Variants in LRP12 observed in about 807,000 individuals in gnomAD.
The protein encoded by LRP12 is LDL receptor related protein 12, also known as low-density lipoprotein receptor-related protein 12.
In LRP12, 14 loss-of-function variants were observed where a neutral mutation model predicts 66.0. That is an observed-to-expected ratio of 0.21 (90% CI 0.14 to 0.33). The LOEUF (loss-of-function observed/expected upper bound fraction) is 0.33, where lower values mean the gene tolerates loss of function less well. LRP12 is among the 10% of genes least tolerant of loss of function. LRP12 has a pLI of 1.00. For missense variants in LRP12, 889 were observed against 1,053.4 expected, an observed-to-expected ratio of 0.84 and a Z score of 2.16; for synonymous variants, 357 against 359.1, an observed-to-expected ratio of 0.99 and a Z score of 0.07.
At chr8:104,500,756 G>A (rs959380433) in intron 3 of LRP12, among the ~76,000 whole-genome samples, 2 of 152,092 alleles carry the variant, frequency 1.3e-5, no homozygotes, top group African/African-American at 4.8e-5. Flanking sequence ...ATACATGTAC[G>A]TATCTCTCTT....
chr8:104,558,223 A>AAC (rs765755049), intron 1 of LRP12, among the ~76,000 whole-genome samples: 96 of 151,948 alleles, frequency 6.3e-4, no homozygotes, highest in South Asian at 1.1e-3. Context: ...CAAACAAACA[A>AAC]AAAAAAACAG....
In LRP12 at chr8:104,497,651, A is replaced by G; in HGVS notation, c.901T>C (p.Phe301Leu). Residue 301 changes from phenylalanine to leucine, a missense_variant, in exon 5 of 7, where the codon TTC (phenylalanine) becomes CTC (leucine). Physicochemically the swap from Phe to Leu is conservative, Grantham distance 22 (BLOSUM62 0). Transcript: ENST00000276654. This position sits in a 1 kb window ranked among gnomAD's most constrained non-coding sequence, Gnocchi z 4.3. Reference protein sequence around the residue: ...TGDHRKVILRFTDFKLDGTGY... With the variant: ...TGDHRKVILRLTDFKLDGTGY... ...GTACCATCAAGTTTAAAGTCAGTGA[A>G]GCGTAAAATGACTTTACGGTGATCA... 1 of 1,614,184 alleles carries G rather than the reference A, an allele frequency of 6.2e-7. No homozygotes were observed. The highest frequency in any genetic ancestry group is 8.5e-7 in the Non-Finnish European group (1 of 1,180,028).
At chr8:104,572,642 C>T (rs1049187440) in intron 1 of LRP12, among the ~76,000 whole-genome samples, 1 of 151,444 alleles carries the variant, frequency 6.6e-6, no homozygotes, top group East Asian at 1.9e-4. Flanking sequence ...GATATAATCA[C>T]GGATGTAGAA....
chr8:104,580,358 T>TAAA (rs774764260), intron 1 of LRP12, among the ~76,000 whole-genome samples: 32 of 92,174 alleles, frequency 3.5e-4, no homozygotes, highest in South Asian at 7.0e-4. Context: ...CTACTAAAAA[T>TAAA]AAAAAAAAAA....
At chr8:104,498,148 G>T in intron 4 of LRP12, 72 bp from the exon 5 acceptor site, 1 of 1,330,054 alleles carries the variant, frequency 7.5e-7, no homozygotes, top group Non-Finnish European at 1.0e-6. Flanking sequence ...ACATAAAACA[G>T]CAAGTGATAT....
chr8:104,542,865 G>A (rs796416274), intron 1 of LRP12, among the ~76,000 whole-genome samples: 1 of 152,112 alleles, frequency 6.6e-6, no homozygotes, highest in African/African-American at 2.4e-5. Context: ...TTCATGGTGA[G>A]TAGGCAGAGG....
At chr8:104,572,468 T>C (rs1410124420) in intron 1 of LRP12, among the ~76,000 whole-genome samples, 2 of 151,662 alleles carry the variant, frequency 1.3e-5, no homozygotes, top group East Asian at 1.9e-4. Context: ...AATAAAGAAA[T>C]AGTGAAAGAA....
chr8:104,532,269 G>GA (rs910410396), intron 1 of LRP12, among the ~76,000 whole-genome samples: 20 of 148,260 alleles, frequency 1.3e-4, no homozygotes, highest in Non-Finnish European at 8.9e-5. Context: ...ACTGCTACAA[G>GA]AAAAAAGAGA....
chr8:104,582,100 A>G (rs1391311193), intron 1 of LRP12, among the ~76,000 whole-genome samples: 1 of 152,182 alleles, frequency 6.6e-6, no homozygotes. Context: ...ACTACTAAAC[A>G]TCCTATTGTG....
intron 2 of LRP12, among the ~76,000 whole-genome samples, chr8:104,528,408 T>C (rs1298039806): frequency 1.3e-5 from 2 of 152,134 alleles, no homozygotes; most frequent in African/African-American, 4.8e-5. Context: ...TACTTTCTAC[T>C]GGGGATGCAA....
chr8:104,582,910 G>T (rs541076690), intron 1 of LRP12, among the ~76,000 whole-genome samples: 37 of 152,198 alleles, frequency 2.4e-4, no homozygotes, highest in African/African-American at 8.4e-4. Flanking sequence ...AAATAAGAAC[G>T]ATCAGATGTA....
At chr8:104,548,315 A>T (rs1462927720) in intron 1 of LRP12, among the ~76,000 whole-genome samples, 299 of 26,800 alleles carry the variant, frequency 0.011, 29 homozygotes, top group African/African-American at 0.082. Flanking sequence ...TATATTATAT[A>T]AATATATAAT....
intron 1 of LRP12, among the ~76,000 whole-genome samples, chr8:104,585,098 G>A (rs973525754): frequency 6.6e-6 from 1 of 152,216 alleles, no homozygotes; most frequent in Non-Finnish European, 1.5e-5. Flanking sequence ...AAGTCAATCA[G>A]TATATGCTGT....
intron 3 of LRP12, chr8:104,508,063 C>G (rs1163887508): frequency 2.0e-5 from 3 of 152,176 alleles, no homozygotes; most frequent in African/African-American, 7.2e-5. Context: ...CAATGTTACA[C>G]ATGAAAACAT....
chr8:104,545,686 T>C (rs1214117824), intron 1 of LRP12, among the ~76,000 whole-genome samples: 1 of 152,202 alleles, frequency 6.6e-6, no homozygotes, highest in Non-Finnish European at 1.5e-5. Context: ...TTTTTAGATA[T>C]GTCATTGCAT....
At chr8:104,547,363 T>C (rs896851147) in intron 1 of LRP12, among the ~76,000 whole-genome samples, 1 of 114,724 alleles carries the variant, frequency 8.7e-6, no homozygotes. Context: ...ATTTTGTATA[T>C]AATATACAAT....
chr8:104,585,196 T>C (rs1384819212), intron 1 of LRP12, among the ~76,000 whole-genome samples: 1 of 152,216 alleles, frequency 6.6e-6, no homozygotes, highest in African/African-American at 2.4e-5. Flanking sequence ...TAAAATGATA[T>C]ACAAACAAGA....
At chr8:104,518,067 T>C (rs193011333) in intron 2 of LRP12, among the ~76,000 whole-genome samples, 16 of 152,232 alleles carry the variant, frequency 1.1e-4, no homozygotes, top group African/African-American at 1.7e-4. Flanking sequence ...AGGAAAATAA[T>C]AGCAGTTTGA....
intron 1 of LRP12, among the ~76,000 whole-genome samples, chr8:104,575,079 T>C (rs955383163): frequency 6.6e-6 from 1 of 151,846 alleles, no homozygotes; most frequent in African/African-American, 2.4e-5. Flanking sequence ...GGCAGGAACA[T>C]GGTGTGGGAG....
Sources: allele counts gnomAD v4.1 joint callset (sites outside exome capture counted in the v4.1 genomes callset), GRCh38; gene constraint gnomAD v4.1.1; non-coding constraint Gnocchi (gnomAD v3.1); transcripts MANE v1.5; gene names NCBI Gene and HGNC (gene_info 2026-07-23, HGNC 2026-07-21).